EXOC3L1: variants seen among roughly 807,000 people sequenced by gnomAD.
EXOC3L1 encodes exocyst complex component 3-like protein.
In EXOC3L1, 79 loss-of-function variants were observed where a neutral mutation model predicts 83.6. That is an observed-to-expected ratio of 0.95 (90% CI 0.79 to 1.14). EXOC3L1 has a LOEUF of 1.14. EXOC3L1 is among the 50% of genes most tolerant of loss of function. The pLI is 0.00. For missense variants in EXOC3L1, 945 were observed against 972.0 expected (o/e 0.97, Z 0.37); for synonymous variants, 433 against 451.2 (o/e 0.96, Z 0.51).
rs2032731135 is a variant in EXOC3L1 at position 67,186,649 on chromosome 16, T to G, written c.1293A>C (p.Glu431Asp). 2 of 1,614,106 alleles carry G rather than the reference T, an allele frequency of 1.2e-6. No individual in the cohort carries two copies. Among genetic ancestry groups the G allele is most frequent in the Non-Finnish European group, 1.7e-6 (2 of 1,179,986 alleles). ...PMPAIVLQIL[E>D]ENIRVASLVS... The stretch of plus-strand genomic sequence containing the variant: ...CCAGGCTGGCCACACGAATGTTCTC[T>G]TCCAGGATCTGCAGGCAGAAATGAG... The change falls in exon 8 of 14, where the codon GAA becomes GAC. Residue 431 changes from glutamate to aspartate, a missense_variant. Coordinates refer to ENST00000314586, the MANE Select transcript of EXOC3L1 (RefSeq NM_178516.4).
At chr16:67,184,646 GC>G (rs2032628150) in intron 13 of EXOC3L1, 39 bp downstream of exon 13, 1 of 1,580,934 alleles carries the variant, frequency 6.3e-7, no homozygotes, top group African/African-American at 1.3e-5. Context: ...CGTCCTCCCC[GC>G]CCTCCGGCTT....
Position 67,185,199 on chromosome 16 carries a change from A to T in EXOC3L1, c.1686T>A (p.Ser562Arg), listed in dbSNP as rs1307276377. Residue 562 changes from serine to arginine, a missense_variant, in exon 11 of 14, where the codon AGT (serine) becomes AGA (arginine). Physicochemically the swap from Ser to Arg is moderately radical, Grantham distance 110. Transcript: ENST00000314586. ...QWLSSPELLQSVCERTGRFCR... is the reference protein window; with the variant it reads ...QWLSSPELLQRVCERTGRFCR... Reference sequence around the variant, plus strand: ...AGAAGCGCCCCGTCCGTTCACACACACTTTGCAGGAGCTCAGGGCTCGACA... The same window carrying T: ...AGAAGCGCCCCGTCCGTTCACACACTCTTTGCAGGAGCTCAGGGCTCGACA... The T allele has an allele frequency of 6.2e-7, 1 of 1,612,284 alleles. No individual in the cohort carries two copies. The highest frequency in any genetic ancestry group is 8.5e-7 in the Non-Finnish European group (1 of 1,179,796).
chr16:67,185,045 C>A lies in EXOC3L1; in HGVS notation c.1762G>T (p.Glu588Ter). 6.2e-7 allele frequency: 1 copy of A among 1,609,582 alleles called. No homozygotes were observed. Among genetic ancestry groups the A allele is most frequent in the African/African-American group, 1.3e-5 (1 of 74,960 alleles). Reference protein sequence around the residue: ...RNPTVQLLLAEAERAVVLQYL... With the variant: ...RNPTVQLLLA Reference sequence around the variant, plus strand: ...TGGAGCACCACGGCACGCTCGGCCTCAGCCAGCAGCAGCTGCGGGGAGGCA... The same window carrying A: ...TGGAGCACCACGGCACGCTCGGCCTAAGCCAGCAGCAGCTGCGGGGAGGCA... The change falls in exon 12 of 14, where the codon GAG becomes TAG. Residue 588 changes from glutamate to a stop codon, truncating the protein, a stop_gained. Coordinates refer to ENST00000314586, the MANE Select transcript of EXOC3L1 (RefSeq NM_178516.4). LOFTEE classifies it high-confidence loss of function.
Position 67,187,125 on chromosome 16 carries a change from C to G in EXOC3L1, c.1054G>C (p.Gly352Arg). The G allele has an allele frequency of 1.2e-6, 2 of 1,613,284 alleles. No homozygotes were observed. The highest frequency in any genetic ancestry group is 1.7e-6 in the Non-Finnish European group (2 of 1,179,934). The stretch of plus-strand genomic sequence containing the variant: ...GCCTCAGGCCCCAACTCCAGGCTCC[C>G]CATCATTTCCTGCCTGGAGATAGGT... ...LHVYLGQEMM[G>R]SLELGPEADV... is the part of the protein sequence containing the mutation. The change falls in exon 6 of 14, where the codon GGG becomes CGG. Residue 352 changes from glycine to arginine, a missense_variant. Coordinates refer to ENST00000314586, the MANE Select transcript of EXOC3L1 (RefSeq NM_178516.4).
In EXOC3L1 at chr16:67,186,756, T is replaced by C. The variant is rs768117106; in HGVS notation, c.1284+3A>G. The C allele has an allele frequency of 8.1e-6, 13 of 1,613,796 alleles. No homozygotes were observed. In the Admixed American group the frequency reaches 8.3e-5, roughly 10 times the overall value. ...CCTGCCTGTCTGGCCACTTCCCACC[T>C]ACCTGCAGCACAATGGCTGGCATTG... On this transcript the variant is annotated splice_donor_region_variant and intron_variant, in intron 7 of 13. Coordinates refer to ENST00000314586, the MANE Select transcript of EXOC3L1 (RefSeq NM_178516.4).
Position 67,189,185 on chromosome 16 carries a change from G to A in EXOC3L1, c.47-5C>T, listed in dbSNP as rs2032814128. 1 of 1,591,910 alleles carries A rather than the reference G, an allele frequency of 6.3e-7. No homozygotes were observed. Among genetic ancestry groups the A allele is most frequent in the African/African-American group, 1.3e-5 (1 of 74,626 alleles). ...CCTGCTCTGGCCACTCAGGTCCTGG[G>A]AAGGAAGAGCCTGGGCAGCCGTGTA... On this transcript the variant is annotated splice_region_variant and splice_polypyrimidine_tract_variant and intron_variant, in intron 2 of 13. Transcript: ENST00000314586.
At position 67,186,834 on chromosome 16, in the gene EXOC3L1, C is replaced by G. The variant is rs1443972718; in HGVS notation, c.1209G>C (p.Glu403Asp). The change falls in exon 7 of 14, where the codon GAG becomes GAC. Residue 403 changes from glutamate (E) to aspartate (D), a missense_variant. Transcript: ENST00000314586. The part of the protein sequence containing the change: ...LQNALDGEVA[E>D]WGREHGPNTD... ...TGTTGGGCCCATGCTCCCGGCCCCA[C>G]TCAGCTACCTCCCCATCCAGTGCAT... 6.2e-7 allele frequency: 1 copy of G among 1,613,632 alleles called. No homozygotes were observed.
Position 67,187,085 on chromosome 16 carries a change from A to C in EXOC3L1, c.1094T>G (p.Leu365Arg). Reference protein sequence around the residue: ...ELGPEADVSQLEPLLTLENIE... With the variant: ...ELGPEADVSQREPLLTLENIE... ...GTTCTCCAAGGTCAGAAGGGGCTCC[A>C]GCTGGGACACATCAGCCTCAGGCCC... The change falls in exon 6 of 14, where the codon CTG (leucine) becomes CGG (arginine). Residue 365 changes from leucine to arginine, a missense_variant. Coordinates refer to ENST00000314586, the MANE Select transcript of EXOC3L1 (RefSeq NM_178516.4). 1 of 1,613,668 alleles carries C rather than the reference A, an allele frequency of 6.2e-7. No individual in the cohort carries two copies. Among genetic ancestry groups the C allele is most frequent in the Non-Finnish European group, 8.5e-7 (1 of 1,180,014 alleles).
chr16:67,184,605 C>A lies in EXOC3L1; in HGVS notation c.2031-1G>T. 3 of 1,585,098 alleles carry A rather than the reference C, an allele frequency of 1.9e-6. No homozygotes were observed. The highest frequency in any genetic ancestry group is 2.6e-6 in the Non-Finnish European group (3 of 1,171,550). On this transcript the variant is annotated splice_acceptor_variant, in intron 13 of 13. Coordinates refer to ENST00000314586, the MANE Select transcript of EXOC3L1 (RefSeq NM_178516.4). LOFTEE classifies it high-confidence loss of function. ...CAAGAGGGCGGAGACGTGGTCCTCG[C>A]TGCAGGGGCACCAAGGAGGCGCGTC...
Position 67,187,800 on chromosome 16 carries a change from A to G in EXOC3L1, c.465T>C (p.Asp155=), listed in dbSNP as rs986326137. 6.2e-7 allele frequency: 1 copy of G among 1,609,720 alleles called. No homozygotes were observed. The highest frequency in any genetic ancestry group is 8.5e-7 in the Non-Finnish European group (1 of 1,178,022). Residue 155 remains aspartate, a synonymous_variant, in exon 5 of 14, where the codon GAT becomes GAC. Coordinates refer to ENST00000314586, the MANE Select transcript of EXOC3L1 (RefSeq NM_178516.4). ...AAVSHTQTLI[D]GQQFLEAYVS... ...CATATGCCTCCAAGAACTGTTGGCC[A>G]TCAATCAGAGTCTGTGTGTGGGACA...
Position 67,187,145 on chromosome 16 carries a change from A to G in EXOC3L1, c.1041-7T>C, listed in dbSNP as rs1300273836. The stretch of plus-strand genomic sequence containing the variant: ...GCTCCCCATCATTTCCTGCCTGGAG[A>G]TAGGTGGCCTGGTGTCACACCAAGC... On this transcript the variant is annotated splice_region_variant and splice_polypyrimidine_tract_variant and intron_variant, in intron 5 of 13. Coordinates refer to ENST00000314586, the MANE Select transcript of EXOC3L1 (RefSeq NM_178516.4). 6.2e-7 allele frequency: 1 copy of G among 1,612,706 alleles called. No individual in the cohort carries two copies. The highest frequency in any genetic ancestry group is 1.1e-5 in the South Asian group (1 of 91,062).
chr16:67,185,456 G>A lies in EXOC3L1; in HGVS notation c.1531C>T (p.Pro511Ser), dbSNP rs1185434393. 2 of 1,610,774 alleles carry A rather than the reference G, an allele frequency of 1.2e-6. No homozygotes were observed. Among genetic ancestry groups the A allele is most frequent in the South Asian group, 2.2e-5 (2 of 91,090 alleles). ...TCCACTGGAGCCAAGGCCCCTGAAG[G>A]CGCCCCGTCCAGCTGCAGGACAGAC... is the stretch of plus-strand genomic sequence containing the variant. The part of the protein sequence containing the change: ...SVSVLQLDGA[P>S]SGALAPVEAA... The change falls in exon 10 of 14, where the codon CCT becomes TCT. Residue 511 changes from proline to serine, a missense_variant. Coordinates refer to ENST00000314586, the MANE Select transcript of EXOC3L1 (RefSeq NM_178516.4).
chr16:67,185,536 C>T, intron 9 of EXOC3L1, 46 bp from the exon 10 acceptor site: 1 of 1,577,268 alleles, frequency 6.3e-7, no homozygotes, highest in Non-Finnish European at 8.6e-7. Context: ...CCAAGGCCCG[C>T]ATGGCCCTCG....
Position 67,186,759 on chromosome 16 carries a change from C to G in EXOC3L1, c.1284G>C (p.Gln428His), listed in dbSNP as rs750571294. The G allele has an allele frequency of 1.9e-6, 3 of 1,613,812 alleles. No individual in the cohort carries two copies. The highest frequency in any genetic ancestry group is 2.5e-6 in the Non-Finnish European group (3 of 1,180,040). ...GCCTGTCTGGCCACTTCCCACCTAC[C>G]TGCAGCACAATGGCTGGCATTGGTG... ...YYSPMPAIVL[Q>H]ILEENIRVAS... Residue 428 changes from glutamine to histidine, a missense_variant and splice_region_variant, in exon 7 of 14, where the codon CAG becomes CAC. Physicochemically the swap from Gln to His is conservative, Grantham distance 24. Transcript: ENST00000314586.
At position 67,185,055 on chromosome 16, in the gene EXOC3L1, C is replaced by G. The variant is rs2032652282; in HGVS notation, c.1752G>C (p.Leu584=). The G allele has an allele frequency of 6.2e-7, 1 of 1,609,724 alleles. No individual in the cohort carries two copies. The highest frequency in any genetic ancestry group is 8.5e-7 in the Non-Finnish European group (1 of 1,177,916). ...CGGCACGCTCGGCCTCAGCCAGCAG[C>G]AGCTGCGGGGAGGCAATCAGGCGGG... ...FWRVRNPTVQ[L]LLAEAERAVV... The change falls in exon 12 of 14, where the codon CTG becomes CTC. Residue 584 remains leucine, a splice_region_variant and synonymous_variant. Transcript: ENST00000314586.
rs1174563222 is a variant in EXOC3L1, at chr16:67,189,318, C to T, written c.47-138G>A. On this transcript the variant is annotated intron_variant, in intron 2 of 13. Transcript: ENST00000314586. ...TTGAGATGGAGTCTCGCTCTGTTGC[C>T]CAGGCTGGAGTGCAGTGGTGCAATC... 6 of 1,055,526 alleles carry T rather than the reference C, an allele frequency of 5.7e-6. No homozygotes were observed. In the Middle Eastern group the frequency reaches 9.5e-4, roughly 168 times the overall value. 65.4% of individuals were successfully genotyped at this position (1,055,526 alleles called of 1,614,324 possible). A position where few individuals can be genotyped will look rare whatever the true frequency, so the allele number is the denominator to read the frequency against.
intron 9 of EXOC3L1, chr16:67,185,740 G>T (rs1337862482): frequency 3.5e-6 from 2 of 571,392 alleles, no homozygotes; most frequent in East Asian, 2.9e-5. Flanking sequence ...ACATTCTTTC[G>T]GTTTCTGTTT....
rs764799932 is a variant in EXOC3L1, at chr16:67,187,188, C to G, written c.1040+37G>C. 4 of 1,611,474 alleles carry G rather than the reference C, an allele frequency of 2.5e-6. No homozygotes were observed. In the South Asian group the frequency reaches 4.4e-5, roughly 18 times the overall value. On this transcript the variant is annotated intron_variant, in intron 5 of 13. Transcript: ENST00000314586. ...CACCAAGCCACCAAGCCCCCAGCCT[C>G]TGATCCCCCATGTCCCGCTGCCCCA...
chr16:67,187,624 C>T lies in EXOC3L1; in HGVS notation c.641G>A (p.Arg214Gln), dbSNP rs750607837. 8.7e-6 allele frequency: 14 copies of T among 1,608,420 alleles called. No individual in the cohort carries two copies. In the Admixed American group the frequency reaches 1.3e-4, roughly 15 times the overall value. ...AGCCACCAACAGGGCTGGGTCCTCC[C>T]GTGCCAGCTTCCCTGCGGCCCCTGC... ...AAAGAAGKLA[R>Q]EDPALLVAAV... is the part of the protein sequence containing the mutation. Residue 214 changes from arginine to glutamine, a missense_variant, in exon 5 of 14, where the codon CGG becomes CAG. By Grantham distance (43) the Arg-to-Gln change is conservative. Transcript: ENST00000314586.
Sources: gnomAD v4.1 joint callset for allele counts on GRCh38, gnomAD v4.1.1 for gene constraint, MANE v1.5 for transcripts, NCBI Gene and HGNC (gene_info 2026-07-23, HGNC 2026-07-21) for gene names.